DEFB121: variants seen among roughly 807,000 people sequenced by gnomAD.
DEFB121 encodes beta-defensin 121.
A neutral mutation model predicts 2.5 loss-of-function variants in DEFB121; 5 were observed. That is an observed-to-expected ratio of 1.96 (90% CI 1.03 to 4.13). The LOEUF (loss-of-function observed/expected upper bound fraction) is 4.13. Among genes scored for constraint, DEFB121 ranks in the 30% most tolerant of loss-of-function variants. The probability of loss-of-function intolerance (pLI) is 0.00; values close to 1 mark genes in which losing one functional copy is unlikely to be tolerated. For missense variants in DEFB121, 87 were observed against 85.0 expected, an observed-to-expected ratio of 1.02 and a Z score of -0.09; for synonymous variants, 39 against 32.6, an observed-to-expected ratio of 1.20 and a Z score of -0.67.
the DEFB121 span, among the ~76,000 whole-genome samples, chr20:31,418,268 A>AAAAAAAAAG: frequency 1.1e-5 from 1 of 89,560 alleles, no homozygotes; most frequent in Non-Finnish European, 2.3e-5. Context: ...TCAAAAAAAA[A>AAAAAAAAAG]AAAAAAAAAA....
chr20:31,409,510 G>T (rs1489272298), upstream of DEFB121, among the ~76,000 whole-genome samples: 1 of 152,164 alleles, frequency 6.6e-6, no homozygotes, highest in Non-Finnish European at 1.5e-5. Context: ...AGAGGCCAAG[G>T]TGGGTGGATC....
At chr20:31,406,286 C>G, upstream of DEFB121, 1 of 1,447,506 alleles carries the variant, frequency 6.9e-7, no homozygotes, top group East Asian at 2.6e-5. Context: ...TGAACCAGAA[C>G]GGGAACAGTC....
chr20:31,412,293 C>CT (rs752991803), intron 1 of DEFB121, among the ~76,000 whole-genome samples: 17 of 152,118 alleles, frequency 1.1e-4, no homozygotes, highest in Non-Finnish European at 2.2e-4. Context: ...ATATGTTGGG[C>CT]TTTTTTCTTT....
rs755013847 is a variant in DEFB121 at position 31,406,184 on chromosome 20, C to A, written c.-32G>T. The A allele has an allele frequency of 4.3e-6, 7 of 1,613,280 alleles. No homozygotes were observed. In the African/African-American group the frequency reaches 8.0e-5, roughly 18 times the overall value. On this transcript the variant is annotated 5_prime_UTR_variant, in exon 1 of 2. Transcript: ENST00000376314. Reference sequence around the variant, plus strand: ...TGAATGATCAGGGAGGGATAGGAGGCTTCTCAACTGGTAAAACAGACAGAG... The same window carrying A: ...TGAATGATCAGGGAGGGATAGGAGGATTCTCAACTGGTAAAACAGACAGAG...
upstream of DEFB121, among the ~76,000 whole-genome samples, chr20:31,411,208 A>T (rs894684732): frequency 2.0e-5 from 3 of 152,206 alleles, no homozygotes; most frequent in Admixed American, 1.3e-4. Context: ...GTGAGCTAAA[A>T]AGGACTTCCC....
upstream of DEFB121, among the ~76,000 whole-genome samples, chr20:31,406,494 A>G (rs1440806588): frequency 3.9e-5 from 6 of 152,228 alleles, no homozygotes; most frequent in Admixed American, 6.5e-5. Context: ...AAGAGAGAGA[A>G]AAAGAGATAA....
upstream of DEFB121, among the ~76,000 whole-genome samples, chr20:31,414,655 T>G (rs1248701139): frequency 6.6e-6 from 1 of 152,236 alleles, no homozygotes; most frequent in African/African-American, 2.4e-5. Flanking sequence ...ACAGTCAAAC[T>G]TATATCAACA....
At chr20:31,418,026 C>T in the DEFB121 span, among the ~76,000 whole-genome samples, 1 of 149,788 alleles carries the variant, frequency 6.7e-6, no homozygotes, top group Non-Finnish European at 1.5e-5. Context: ...TTTGGGAGGC[C>T]GAGGCGGGCG....
upstream of DEFB121, among the ~76,000 whole-genome samples, chr20:31,409,867 C>T (rs1301091283): frequency 6.6e-6 from 1 of 152,072 alleles, no homozygotes; most frequent in Non-Finnish European, 1.5e-5. Context: ...CTAGAAAACA[C>T]AAACCTAATC....
intron 1 of DEFB121, 53 bp from the exon 2 acceptor site, chr20:31,405,138 A>C: frequency 6.5e-7 from 1 of 1,542,052 alleles, no homozygotes; most frequent in East Asian, 2.3e-5. Context: ...GAAAGCAGAA[A>C]GGTGTGAAAG....
At chr20:31,406,050 C>T (rs1420839587) in intron 1 of DEFB121, 45 bp downstream of exon 1, 1 of 1,607,574 alleles carries the variant, frequency 6.2e-7, no homozygotes, top group East Asian at 2.2e-5. Flanking sequence ...TCTGAACATG[C>T]ATCAGGTTTC....
upstream of DEFB121, among the ~76,000 whole-genome samples, chr20:31,415,918 G>A (rs1978793667): frequency 6.6e-6 from 1 of 152,142 alleles, no homozygotes; most frequent in African/African-American, 2.4e-5. Context: ...ACCATATAAT[G>A]TGGGAAAACT....
At chr20:31,407,341 G>A (rs1412911148), upstream of DEFB121, among the ~76,000 whole-genome samples, 1 of 152,174 alleles carries the variant, frequency 6.6e-6, no homozygotes, top group African/African-American at 2.4e-5. Flanking sequence ...CTCATCCTAG[G>A]AGAACTCTAT....
upstream of DEFB121, among the ~76,000 whole-genome samples, chr20:31,414,014 C>A (rs1418954395): frequency 6.6e-6 from 1 of 152,088 alleles, no homozygotes; most frequent in Non-Finnish European, 1.5e-5. Flanking sequence ...TCGAGACCAG[C>A]CTGACCAATA....
upstream of DEFB121, among the ~76,000 whole-genome samples, chr20:31,406,419 AG>A (rs1407449441): frequency 6.6e-6 from 1 of 152,210 alleles, no homozygotes; most frequent in Admixed American, 6.5e-5. Context: ...TTTATAATAC[AG>A]CTGGAGAACC....
At chr20:31,412,257 C>T (rs1978683929) in intron 1 of DEFB121, among the ~76,000 whole-genome samples, 1 of 152,112 alleles carries the variant, frequency 6.6e-6, no homozygotes, top group African/African-American at 2.4e-5. Context: ...GTTCCTGGTG[C>T]TATGTGTAAC....
At chr20:31,406,622 A>G (rs1978490488), upstream of DEFB121, among the ~76,000 whole-genome samples, 1 of 152,166 alleles carries the variant, frequency 6.6e-6, no homozygotes, top group Admixed American at 6.5e-5. Context: ...AGAGCAGGGG[A>G]AAATACCTTA....
At chr20:31,413,482 A>G (rs1978717835), upstream of DEFB121, among the ~76,000 whole-genome samples, 1 of 152,206 alleles carries the variant, frequency 6.6e-6, no homozygotes, top group Non-Finnish European at 1.5e-5. Context: ...GGTGGCTTCT[A>G]AGAACAGAGG....
At chr20:31,406,271 A>G (rs534468984), upstream of DEFB121, 4 of 1,487,260 alleles carry the variant, frequency 2.7e-6, no homozygotes, top group Admixed American at 2.3e-5. Flanking sequence ...CAGAGCCAAG[A>G]TCAGTGAACC....
Sources: gnomAD v4.1 joint callset for allele counts (sites outside exome capture counted in the v4.1 genomes callset) on GRCh38, gnomAD v4.1.1 for gene constraint, MANE v1.5 for transcripts, NCBI Gene and HGNC (gene_info 2026-07-23, HGNC 2026-07-21) for gene names.